The following HIBCH variants were observed in gnomAD, a reference collection of about 807,000 sequenced individuals.
HIBCH encodes 3-hydroxyisobutyryl-CoA hydrolase, also known as 3-hydroxyisobutyryl-CoA hydrolase, mitochondrial.
In HIBCH, 50 loss-of-function variants were observed where a neutral mutation model predicts 58.2. The ratio of observed to expected loss-of-function variants is 0.86; its 90% CI spans 0.68 to 1.09. The LOEUF (loss-of-function observed/expected upper bound fraction) is 1.09, where lower values mean the gene tolerates loss of function less well. Among genes scored for constraint, HIBCH ranks in the 50% least tolerant of loss-of-function variants. HIBCH has a pLI of 0.00. For missense variants in HIBCH, 450 were observed against 449.7 expected (o/e 1.00, Z -0.01); for synonymous variants, 151 against 146.9 (o/e 1.03, Z -0.20).
intron 13 of HIBCH, 134 bp from the exon 14 acceptor site, chr2:190,205,366 T>TG: frequency 1.6e-6 from 1 of 627,896 alleles, no homozygotes; most frequent in Non-Finnish European, 2.8e-6. Context: ...AATTTTTATA[T>TG]GTATTCTATT....
Position 190,204,792 on chromosome 2 carries a change from C to T in HIBCH, c.*325G>A, listed in dbSNP as rs1414646570. Reference sequence around the variant, plus strand: ...TTCCATCTTCTAAAACAAGGATTGACAAACTTTTTTCTGACAAAAACCAGA... The same window carrying T: ...TTCCATCTTCTAAAACAAGGATTGATAAACTTTTTTCTGACAAAAACCAGA... On this transcript the variant is annotated 3_prime_UTR_variant, in exon 14 of 14. Transcript: ENST00000359678. The T allele has an allele frequency of 3.9e-6, 1 of 257,284 alleles. No homozygotes were observed. Among genetic ancestry groups the T allele is most frequent in the East Asian group, 9.6e-5 (1 of 10,430 alleles). The allele number at this position is 257,284 out of a possible 1,614,324, so 15.9% of individuals were successfully genotyped here. A position where few individuals can be genotyped will look rare whatever the true frequency, so the allele number is the denominator to read the frequency against.
At chr2:190,289,345 T>C (rs927372352) in intron 5 of HIBCH, among the ~76,000 whole-genome samples, 3 of 152,180 alleles carry the variant, frequency 2.0e-5, no homozygotes, top group Non-Finnish European at 4.4e-5. Context: ...TGACAAAAAC[T>C]GAATTTATTT....
intron 2 of HIBCH, among the ~76,000 whole-genome samples, chr2:190,302,790 A>G (rs1688301162): frequency 6.6e-6 from 1 of 152,104 alleles, no homozygotes; most frequent in Non-Finnish European, 1.5e-5. Context: ...CCTTCTCAGA[A>G]CCTAACTGAA....
At position 190,206,217 on chromosome 2, in the gene HIBCH, T is replaced by C. The variant is rs1411227217; in HGVS notation, c.1046-985A>G. Among the ~76,000 whole-genome samples, 3 of 152,188 alleles carry C rather than the reference T, an allele frequency of 2.0e-5. No individual in the cohort carries two copies. Among genetic ancestry groups the C allele is most frequent in the Non-Finnish European group, 4.4e-5 (3 of 68,018 alleles). ...GCTTTTACATACAATTAAATGCAGA[T>C]ACGGGAGGTTTGTTTTTAAGATTTA... On this transcript the variant is annotated intron_variant, in intron 13 of 13. Coordinates refer to ENST00000359678, the MANE Select transcript of HIBCH (RefSeq NM_014362.4). This position sits in a 1 kb window ranked among gnomAD's most constrained non-coding sequence, Gnocchi z 5.1.
At chr2:190,291,702 T>C (rs982353810) in intron 4 of HIBCH, among the ~76,000 whole-genome samples, 1 of 152,230 alleles carries the variant, frequency 6.6e-6, no homozygotes, top group African/African-American at 2.4e-5. Context: ...ATCTACTGAA[T>C]AGTGAACACT....
At chr2:190,259,771 A>G (rs1414550784) in intron 7 of HIBCH, among the ~76,000 whole-genome samples, 1 of 152,116 alleles carries the variant, frequency 6.6e-6, no homozygotes, top group Middle Eastern at 3.2e-3. Context: ...TTCCATATAT[A>G]TATAAGAGCA....
intron 1 of HIBCH, among the ~76,000 whole-genome samples, chr2:190,195,932 T>C (rs1689947999): frequency 6.9e-6 from 1 of 144,266 alleles, no homozygotes; most frequent in Admixed American, 7.4e-5. Flanking sequence ...GTTTAAGAAC[T>C]GTGTCCAGCT....
chr2:190,249,400 G>A (rs1237771149), intron 9 of HIBCH, among the ~76,000 whole-genome samples: 1 of 152,222 alleles, frequency 6.6e-6, no homozygotes, highest in Non-Finnish European at 1.5e-5. Context: ...ACAAGGCTAT[G>A]CACTGAAGTT....
intron 8 of HIBCH, chr2:190,251,677 T>C: frequency 4.6e-6 from 1 of 215,830 alleles, no homozygotes; most frequent in East Asian, 1.5e-4. Context: ...GCCACATTGT[T>C]TTTTTTTTAA....
chr2:190,262,338 T>C (rs1259336441), intron 6 of HIBCH, among the ~76,000 whole-genome samples: 1 of 152,182 alleles, frequency 6.6e-6, no homozygotes, highest in Admixed American at 6.5e-5. Context: ...ACATAAGCAA[T>C]GCCTAAGGTC....
chr2:190,253,269 T>C (rs2105942891), intron 7 of HIBCH, among the ~76,000 whole-genome samples: 1 of 152,274 alleles, frequency 6.6e-6, no homozygotes, highest in Middle Eastern at 3.4e-3. Flanking sequence ...GTTTAAGATC[T>C]TAAACAACTG....
intron 11 of HIBCH, among the ~76,000 whole-genome samples, chr2:190,225,033 C>A (rs1014165307): frequency 2.6e-5 from 4 of 152,080 alleles, no homozygotes; most frequent in African/African-American, 7.2e-5. Context: ...AGGTACATAA[C>A]GAAATGAAGG....
chr2:190,225,711 T>G (rs1685871330), intron 11 of HIBCH, among the ~76,000 whole-genome samples: 2 of 152,178 alleles, frequency 1.3e-5, no homozygotes, highest in Non-Finnish European at 2.9e-5. Flanking sequence ...GCTGGTACCA[T>G]TCCTTCTGAA....
chr2:190,300,592 T>C lies in HIBCH; in HGVS notation c.79-3639A>G, dbSNP rs1575759983. Among the ~76,000 whole-genome samples the C allele has an allele frequency of 3.3e-5, 5 of 152,322 alleles. 1 individual carries two copies. The highest frequency in any genetic ancestry group is 3.3e-4 in the Admixed American group (5 of 15,302). On this transcript the variant is annotated intron_variant, in intron 2 of 13. Transcript: ENST00000359678. The stretch of plus-strand genomic sequence containing the variant: ...TGTCAGATGCATAGTTTGCATGTTC[T>C]CCCATTCTGTAGGTTGTATGTTTGT...
intron 11 of HIBCH, among the ~76,000 whole-genome samples, chr2:190,231,354 A>G (rs1686090980): frequency 6.6e-6 from 1 of 152,242 alleles, no homozygotes; most frequent in Admixed American, 6.5e-5. Flanking sequence ...AAGATAAATC[A>G]GACTTCCTCA....
intron 10 of HIBCH, among the ~76,000 whole-genome samples, chr2:190,245,756 G>A (rs746440430): frequency 5.9e-5 from 9 of 152,090 alleles, no homozygotes; most frequent in Non-Finnish European, 1.2e-4. Context: ...TTGTGAGGGC[G>A]AGGAGGGTGA....
intron 8 of HIBCH, chr2:190,251,607 C>T (rs1465021294): frequency 2.4e-6 from 1 of 422,842 alleles, no homozygotes; most frequent in Admixed American, 2.7e-5. Flanking sequence ...CCAATTAAGA[C>T]TTAAACTCAA....
intron 1 of HIBCH, among the ~76,000 whole-genome samples, chr2:190,317,320 C>T (rs1688729053): frequency 6.6e-6 from 1 of 152,178 alleles, no homozygotes; most frequent in Non-Finnish European, 1.5e-5. Flanking sequence ...TTACTTTTGT[C>T]TAATTATGTG....
At chr2:190,244,995 C>T (rs1473172503) in intron 10 of HIBCH, 27 bp from the exon 11 acceptor site, 1 of 1,356,496 alleles carries the variant, frequency 7.4e-7, no homozygotes, top group Admixed American at 1.7e-5. Flanking sequence ...TGTGATTTCA[C>T]CAATGTGTAA....
Sources: allele counts gnomAD v4.1 joint callset (sites outside exome capture counted in the v4.1 genomes callset), GRCh38; gene constraint gnomAD v4.1.1; non-coding constraint Gnocchi (gnomAD v3.1); transcripts MANE v1.5; gene names NCBI Gene and HGNC (gene_info 2026-07-23, HGNC 2026-07-21).